RIMS1: variants seen among roughly 807,000 people sequenced by gnomAD.
RIMS1 encodes regulating synaptic membrane exocytosis 1.
RIMS1 carries 83 observed loss-of-function variants against 214.1 expected under a neutral mutation model. The observed-to-expected ratio is 0.39, with a 90% CI of 0.32 to 0.47. RIMS1 has a LOEUF of 0.47. RIMS1 is among the 20% of genes least tolerant of loss of function. RIMS1 has a pLI of 0.99. For missense variants in RIMS1, 2,050 were observed against 2,161.8 expected, an observed-to-expected ratio of 0.95 and a Z score of 1.03; for synonymous variants, 793 against 786.8, an observed-to-expected ratio of 1.01 and a Z score of -0.13.
chr6:72,146,053 C>G (rs1457113459), intron 4 of RIMS1, among the ~76,000 whole-genome samples: 1 of 152,134 alleles, frequency 6.6e-6, no homozygotes, highest in African/African-American at 2.4e-5. Context: ...AAAGGATCAG[C>G]AATATTTTAA....
intron 2 of RIMS1, among the ~76,000 whole-genome samples, chr6:72,016,406 T>C (rs922960074): frequency 6.6e-6 from 1 of 152,228 alleles, no homozygotes; most frequent in Admixed American, 6.5e-5. Flanking sequence ...TTCTACAAGC[T>C]ACCTTCTGGG....
chr6:72,119,274 T>C (rs1173663772), intron 4 of RIMS1, among the ~76,000 whole-genome samples: 2 of 151,560 alleles, frequency 1.3e-5, no homozygotes, highest in Non-Finnish European at 3.0e-5. Flanking sequence ...AAAAGACCTG[T>C]ACAAGGAAAG....
chr6:72,040,851 G>T (rs1162964356), intron 2 of RIMS1, among the ~76,000 whole-genome samples: 1 of 151,578 alleles, frequency 6.6e-6, no homozygotes, highest in Non-Finnish European at 1.5e-5. Context: ...ATTCCTTTCA[G>T]ATGTTCAAAG....
chr6:72,164,869 A>G (rs1431942764), intron 4 of RIMS1, among the ~76,000 whole-genome samples: 1 of 152,180 alleles, frequency 6.6e-6, no homozygotes, highest in Non-Finnish European at 1.5e-5. Flanking sequence ...TTATAAAGGA[A>G]TTGATCCCAT....
At chr6:72,221,211 A>G (rs1180364977) in intron 6 of RIMS1, among the ~76,000 whole-genome samples, 3 of 151,966 alleles carry the variant, frequency 2.0e-5, no homozygotes, top group South Asian at 2.1e-4. Context: ...TGAACTAAGT[A>G]CACATCCATA....
chr6:72,367,985 C>T (rs946687854), intron 29 of RIMS1, among the ~76,000 whole-genome samples: 1 of 151,982 alleles, frequency 6.6e-6, no homozygotes, highest in Non-Finnish European at 1.5e-5. Context: ...CAGGGCTTAT[C>T]CGTGGAATAA....
chr6:72,009,776 G>T (rs1172449627), intron 2 of RIMS1, among the ~76,000 whole-genome samples: 1 of 152,136 alleles, frequency 6.6e-6, no homozygotes, highest in African/African-American at 2.4e-5. Context: ...ACTAAACCAG[G>T]AAGAAGTTGA....
chr6:71,963,546 A>T (rs1423201543), intron 1 of RIMS1, among the ~76,000 whole-genome samples: 1 of 152,126 alleles, frequency 6.6e-6, no homozygotes, highest in African/African-American at 2.4e-5. Flanking sequence ...GTCTTATTTG[A>T]TAAAATATTG....
At position 71,982,860 on chromosome 6, in the gene RIMS1, A is replaced by G. The variant is rs546083197; in HGVS notation, c.245+13797A>G. On this transcript the variant is annotated intron_variant, in intron 2 of 33. Transcript: ENST00000521978. ...CCCTCTCTGAAGGCCTTTAGGTCCA[A>G]TAGTCCATGTATAAATTAAGTCCTG... is the stretch of plus-strand genomic sequence containing the variant. Among the ~76,000 whole-genome samples the G allele has an allele frequency of 4.6e-5, 7 of 152,246 alleles. No homozygotes were observed. In the East Asian group the frequency reaches 9.7e-4, roughly 21 times the overall value.
chr6:72,322,164 A>C (rs1268553359), intron 28 of RIMS1, among the ~76,000 whole-genome samples: 1 of 152,156 alleles, frequency 6.6e-6, no homozygotes, highest in Non-Finnish European at 1.5e-5. Flanking sequence ...AGCCTTAAAA[A>C]GTCCAATGAA....
intron 4 of RIMS1, among the ~76,000 whole-genome samples, chr6:72,115,894 T>G (rs1266041504): frequency 2.0e-5 from 3 of 152,042 alleles, no homozygotes; most frequent in Non-Finnish European, 4.4e-5. Context: ...TATTTCATTC[T>G]AAATTGTGTT....
intron 2 of RIMS1, among the ~76,000 whole-genome samples, chr6:72,077,750 A>C (rs1832281175): frequency 6.6e-6 from 1 of 152,214 alleles, no homozygotes; most frequent in Admixed American, 6.5e-5. Flanking sequence ...CTCAATTTAC[A>C]GATGAGGGAA....
chr6:71,911,917 C>A (rs1777044774), intron 1 of RIMS1, among the ~76,000 whole-genome samples: 1 of 151,928 alleles, frequency 6.6e-6, no homozygotes, highest in African/African-American at 2.4e-5. Context: ...GGTTTAAGAC[C>A]CCTGGGAGTG....
intron 28 of RIMS1, among the ~76,000 whole-genome samples, chr6:72,314,877 T>C (rs1038870601): frequency 3.9e-5 from 6 of 152,174 alleles, no homozygotes; most frequent in Admixed American, 3.3e-4. Flanking sequence ...AAGTAATTTT[T>C]GTTTGTATTC....
intron 1 of RIMS1, among the ~76,000 whole-genome samples, chr6:71,917,730 T>C (rs1028699926): frequency 6.6e-6 from 1 of 152,186 alleles, no homozygotes; most frequent in Non-Finnish European, 1.5e-5. Flanking sequence ...ATTGCAGATA[T>C]TCAGGTGAGA....
chr6:71,975,188 A>G (rs1271406598), intron 2 of RIMS1, among the ~76,000 whole-genome samples: 2 of 152,216 alleles, frequency 1.3e-5, no homozygotes, highest in Admixed American at 1.3e-4. Context: ...TACAAAAAAT[A>G]AACAATCTAT....
rs183610250 is a variant in RIMS1 at position 72,265,305 on chromosome 6, G to A, written c.3195-85G>A. On this transcript the variant is annotated intron_variant, in intron 20 of 33. Transcript: ENST00000521978. ...TAACTCAAATGTCAGAATTCTAGTT[G>A]CTTTGTCATTTGTATATTGTTGTAC... 1.1e-3 allele frequency: 818 copies of A among 764,118 alleles called. 8 individuals carry two copies. The East Asian group carries it at 0.019, about 18-fold the overall frequency. 47.3% of individuals were successfully genotyped at this position (764,118 alleles called of 1,614,324 possible).
At chr6:71,980,742 A>G (rs1798284330) in intron 2 of RIMS1, among the ~76,000 whole-genome samples, 1 of 152,096 alleles carries the variant, frequency 6.6e-6, no homozygotes, top group Non-Finnish European at 1.5e-5. Flanking sequence ...AGACATGGCT[A>G]ATAATAGTAA....
At chr6:72,290,393 AC>A (rs2093177964) in intron 24 of RIMS1, among the ~76,000 whole-genome samples, 1 of 152,042 alleles carries the variant, frequency 6.6e-6, no homozygotes, top group Non-Finnish European at 1.5e-5. Flanking sequence ...ACAAAACAAA[AC>A]AAAACAAAAC....
Sources: gnomAD v4.1 joint callset for allele counts (sites outside exome capture counted in the v4.1 genomes callset) on GRCh38, gnomAD v4.1.1 for gene constraint, MANE v1.5 for transcripts, NCBI Gene and HGNC (gene_info 2026-07-23, HGNC 2026-07-21) for gene names.